The following DDAH1 variants were observed in gnomAD, a reference collection of about 807,000 sequenced individuals.
DDAH1 encodes dimethylarginine dimethylaminohydrolase 1.
DDAH1 carries 19 observed loss-of-function variants against 28.8 expected under a neutral mutation model. That is an observed-to-expected ratio of 0.66 (90% CI 0.46 to 0.97). The LOEUF (loss-of-function observed/expected upper bound fraction) is 0.97, where lower values mean the gene tolerates loss of function less well. DDAH1 is among the 50% of genes least tolerant of loss of function. DDAH1 has a pLI of 0.00. For missense variants in DDAH1, 326 were observed against 375.9 expected (o/e 0.87, Z 1.10); for synonymous variants, 153 against 154.4 (o/e 0.99, Z 0.07).
chr1:85,462,993 T>C (rs951896960), intron 1 of DDAH1, among the ~76,000 whole-genome samples: 6 of 152,236 alleles, frequency 3.9e-5, no homozygotes, highest in Admixed American at 1.3e-4. Context: ...AATACATCTA[T>C]TACAACAACT....
Position 85,431,869 on chromosome 1 carries a change from G to C in DDAH1, c.303+32874C>G, listed in dbSNP as rs142713251. On this transcript the variant is annotated intron_variant, in intron 1 of 5. Coordinates refer to ENST00000284031, the MANE Select transcript of DDAH1 (RefSeq NM_012137.4). ...TGTCCCGCCATTTCTCACACATGAA[G>C]TTGCTTTGAAATTAATACAAGAGGC... Among the ~76,000 whole-genome samples the C allele has an allele frequency of 1.7e-3, 263 of 152,308 alleles. 1 individual carries two copies. Among genetic ancestry groups the C allele is most frequent in the East Asian group, 0.016 (83 of 5,188 alleles).
chr1:85,417,946 C>G (rs1193169322), intron 1 of DDAH1, among the ~76,000 whole-genome samples: 1 of 152,196 alleles, frequency 6.6e-6, no homozygotes, highest in Non-Finnish European at 1.5e-5. Context: ...ATACCACATA[C>G]CATTCTACTA....
intron 1 of DDAH1, among the ~76,000 whole-genome samples, chr1:85,457,772 C>T (rs1654955640): frequency 6.6e-6 from 1 of 152,232 alleles, no homozygotes; most frequent in South Asian, 2.1e-4. Context: ...TCACTGCAAC[C>T]TCTGCCTTCT....
chr1:85,510,490 C>T (rs1657183861), intron 1 of DDAH1, among the ~76,000 whole-genome samples: 2 of 152,258 alleles, frequency 1.3e-5, no homozygotes, highest in South Asian at 2.1e-4. Context: ...ATCAAATTCA[C>T]ACATAACCAT....
intron 1 of DDAH1, among the ~76,000 whole-genome samples, chr1:85,426,117 G>A (rs1653383900): frequency 6.6e-6 from 1 of 152,072 alleles, no homozygotes; most frequent in Non-Finnish European, 1.5e-5. Context: ...CACAAAATGA[G>A]AGCTCAGTAA....
intron 1 of DDAH1, among the ~76,000 whole-genome samples, chr1:85,411,472 G>C (rs2100597129): frequency 6.6e-6 from 1 of 152,260 alleles, no homozygotes; most frequent in East Asian, 1.9e-4. Flanking sequence ...GACTGATGCT[G>C]TGTTCACTAC....
At chr1:85,473,192 A>C (rs1655676255) in intron 2 of DDAH1, among the ~76,000 whole-genome samples, 1 of 152,182 alleles carries the variant, frequency 6.6e-6, no homozygotes, top group South Asian at 2.1e-4. Flanking sequence ...TATATGAGTG[A>C]CAGTGTCTGT....
At chr1:85,500,820 AT>A (rs140051858) in intron 1 of DDAH1, among the ~76,000 whole-genome samples, 6 of 145,126 alleles carry the variant, frequency 4.1e-5, no homozygotes, top group Admixed American at 6.8e-5. Context: ...CAATGTCACT[AT>A]TTTTTTTTCT....
At chr1:85,535,911 G>T (rs1408732581) in intron 1 of DDAH1, among the ~76,000 whole-genome samples, 3 of 152,154 alleles carry the variant, frequency 2.0e-5, no homozygotes, top group Admixed American at 6.5e-5. Context: ...ACATACAAAC[G>T]GACAACAGGT....
At chr1:85,485,145 G>T (rs937909747) in intron 2 of DDAH1, among the ~76,000 whole-genome samples, 42 of 152,090 alleles carry the variant, frequency 2.8e-4, no homozygotes, top group Admixed American at 2.7e-3. Context: ...CTGTGCGGGT[G>T]CCACAGAAAA....
intron 1 of DDAH1, among the ~76,000 whole-genome samples, chr1:85,457,174 G>A (rs1466720743): frequency 4.6e-5 from 7 of 152,136 alleles, no homozygotes; most frequent in Admixed American, 1.3e-4. Context: ...GAGAGGGCAC[G>A]GGTGAGTTTT....
chr1:85,466,552 A>T (rs1288046893), upstream of DDAH1, among the ~76,000 whole-genome samples: 1 of 152,024 alleles, frequency 6.6e-6, no homozygotes, highest in Non-Finnish European at 1.5e-5. Flanking sequence ...CCCTGCCCAA[A>T]TTTGAGGAGT....
At chr1:85,397,883 A>G (rs1266837271) in intron 1 of DDAH1, among the ~76,000 whole-genome samples, 1 of 152,098 alleles carries the variant, frequency 6.6e-6, no homozygotes, top group Non-Finnish European at 1.5e-5. Flanking sequence ...TGACTCCCCT[A>G]GCCTCCTACC....
chr1:85,530,990 CAAAAAAAAAAAAA>C (rs56149686), intron 1 of DDAH1, among the ~76,000 whole-genome samples: 2 of 43,626 alleles, frequency 4.6e-5, no homozygotes, highest in Admixed American at 3.0e-4. Context: ...GACTCTGTCT[CAAAAAAAAAAAAA>C]AAAAAAAAAA....
rs993738242 is a variant in DDAH1, at chr1:85,464,790, C to T, written c.256G>A (p.Glu86Lys). Residue 86 changes from glutamate (E) to lysine (K), a missense_variant, in exon 1 of 6, where the codon GAG becomes AAG. Transcript: ENST00000284031. This position sits in a 1 kb window ranked among gnomAD's most constrained non-coding sequence, Gnocchi z 4.4. ...CCGGGTCGGGTGATGAGGGCCGTCT[C>T]CTCGCACACCACGGCCACGTCCTCC... ...FVEDVAVVCEETALITRPGAP... is the reference protein window; with the variant it reads ...FVEDVAVVCEKTALITRPGAP... 8 of 1,582,152 alleles carry T rather than the reference C, an allele frequency of 5.1e-6. No homozygotes were observed. The highest frequency in any genetic ancestry group is 6.0e-6 in the Non-Finnish European group (7 of 1,171,420).
chr1:85,506,805 AC>A (rs769078533), intron 1 of DDAH1, among the ~76,000 whole-genome samples: 5 of 152,182 alleles, frequency 3.3e-5, no homozygotes, highest in Admixed American at 1.3e-4. Flanking sequence ...AATGGTGACA[AC>A]TGATTTTTAG....
intron 4 of DDAH1, among the ~76,000 whole-genome samples, chr1:85,334,532 CT>C (rs1423919167): frequency 2.6e-5 from 4 of 152,178 alleles, no homozygotes; most frequent in Admixed American, 2.0e-4. Flanking sequence ...AGATTTCCCC[CT>C]TACTGTTCTC....
intron 1 of DDAH1, among the ~76,000 whole-genome samples, chr1:85,394,212 C>T (rs1287449883): frequency 6.6e-6 from 1 of 152,176 alleles, no homozygotes; most frequent in Non-Finnish European, 1.5e-5. Flanking sequence ...AGATTAATGT[C>T]TTTCTCATGA....
At chr1:85,533,412 C>T (rs1448781910) in intron 1 of DDAH1, among the ~76,000 whole-genome samples, 8 of 151,958 alleles carry the variant, frequency 5.3e-5, no homozygotes, top group African/African-American at 7.3e-5. Context: ...CCACCCTGGC[C>T]TCCTAAAGTG....
Sources: allele counts gnomAD v4.1 joint callset (sites outside exome capture counted in the v4.1 genomes callset), GRCh38; gene constraint gnomAD v4.1.1; non-coding constraint Gnocchi (gnomAD v3.1); transcripts MANE v1.5; gene names NCBI Gene and HGNC (gene_info 2026-07-23, HGNC 2026-07-21).